COL4A1: variants seen among roughly 807,000 people sequenced by gnomAD.
The protein encoded by COL4A1 is collagen type IV alpha 1 chain.
A neutral mutation model predicts 216.6 loss-of-function variants in COL4A1; 40 were observed. The observed-to-expected ratio is 0.18, with a 90% CI of 0.14 to 0.24. The LOEUF (loss-of-function observed/expected upper bound fraction) is 0.24. COL4A1 is among the 10% of genes least tolerant of loss of function. The probability of loss-of-function intolerance (pLI) is 1.00; values close to 1 mark genes in which losing one functional copy is unlikely to be tolerated. For synonymous variants in COL4A1, 839 were observed against 810.7 expected (o/e 1.03, Z -0.59); for missense variants, 1,628 against 2,196.8 (o/e 0.74, Z 5.18).
chr13:110,274,892 A>G (rs544282354), intron 1 of COL4A1, among the ~76,000 whole-genome samples: 4 of 152,174 alleles, frequency 2.6e-5, no homozygotes, highest in Non-Finnish European at 5.9e-5. Context: ...GCACTGAGGG[A>G]CTTTCTACTT....
At chr13:110,254,278 T>C (rs1882415828) in intron 1 of COL4A1, among the ~76,000 whole-genome samples, 1 of 152,186 alleles carries the variant, frequency 6.6e-6, no homozygotes, top group Admixed American at 6.5e-5. Flanking sequence ...ATGGTCTAGC[T>C]TAATGCCATG....
intron 37 of COL4A1, 32 bp from the exon 38 acceptor site, chr13:110,174,781 C>G: frequency 1.9e-6 from 3 of 1,605,756 alleles, no homozygotes; most frequent in Non-Finnish European, 2.6e-6. Context: ...ATTAACTTTA[C>G]ATTTGTCCAT....
chr13:110,237,224 T>A (rs1881356131), intron 2 of COL4A1, among the ~76,000 whole-genome samples: 1 of 152,212 alleles, frequency 6.6e-6, no homozygotes, highest in Admixed American at 6.5e-5. Flanking sequence ...CTGAGCCGTG[T>A]CTTCAGCTGG....
chr13:110,198,688 A>G, intron 20 of COL4A1, 57 bp from the exon 21 acceptor site: 4 of 1,604,666 alleles, frequency 2.5e-6, no homozygotes, highest in South Asian at 2.2e-5. Flanking sequence ...CAACTACAGC[A>G]TAAACTCATT....
chr13:110,274,962 C>A (rs1388130306), intron 1 of COL4A1, among the ~76,000 whole-genome samples: 1 of 152,210 alleles, frequency 6.6e-6, no homozygotes, highest in African/African-American at 2.4e-5. Context: ...TCCAAAAATC[C>A]TTGCTCGCAG....
chr13:110,159,141 G>T (rs1214321605), intron 49 of COL4A1, among the ~76,000 whole-genome samples: 1 of 152,132 alleles, frequency 6.6e-6, no homozygotes, highest in African/African-American at 2.4e-5. Context: ...TTCCTATCAG[G>T]GAGGCTCCTG....
intron 1 of COL4A1, among the ~76,000 whole-genome samples, chr13:110,294,290 T>C (rs79087416): frequency 0.027 from 4,157 of 152,310 alleles, 98 homozygotes; most frequent in South Asian, 0.07. Flanking sequence ...CCGGCTGACA[T>C]GGCCAAAGAG....
intron 1 of COL4A1, among the ~76,000 whole-genome samples, chr13:110,257,489 T>C (rs1882630575): frequency 6.6e-6 from 1 of 152,206 alleles, no homozygotes; most frequent in Admixed American, 6.5e-5. Context: ...AGTACATTTG[T>C]GGTTAAAGAA....
At chr13:110,161,060 C>T (rs1877060359) in intron 49 of COL4A1, 132 bp downstream of exon 49, 2 of 1,002,738 alleles carry the variant, frequency 2.0e-6, no homozygotes, top group Non-Finnish European at 3.0e-6. Context: ...TTACAAAACT[C>T]GAATATCACA....
chr13:110,160,237 T>TC (rs1195688568), intron 49 of COL4A1, among the ~76,000 whole-genome samples: 1 of 119,222 alleles, frequency 8.4e-6, no homozygotes, highest in Non-Finnish European at 1.7e-5. Context: ...GGTCAGGAGA[T>TC]CGAGACCATC....
At chr13:110,167,345 G>T in intron 43 of COL4A1, 115 bp from the exon 44 acceptor site, 1 of 817,218 alleles carries the variant, frequency 1.2e-6, no homozygotes, top group Non-Finnish European at 2.2e-6. Context: ...AAGCACATTT[G>T]TGAACAAATG....
chr13:110,215,915 G>A (rs79767343), intron 2 of COL4A1, among the ~76,000 whole-genome samples: 12,696 of 152,260 alleles, frequency 0.083, 527 homozygotes, highest in African/African-American at 0.1. Flanking sequence ...CAGGAAGGAC[G>A]TTATGAACCT....
At chr13:110,224,315 T>G (rs1366613798) in intron 2 of COL4A1, among the ~76,000 whole-genome samples, 1 of 152,202 alleles carries the variant, frequency 6.6e-6, no homozygotes, top group Non-Finnish European at 1.5e-5. Flanking sequence ...TCTGAGTTTG[T>G]ATAAGAAAAA....
intron 1 of COL4A1, among the ~76,000 whole-genome samples, chr13:110,299,056 C>A (rs1884390750): frequency 6.6e-6 from 1 of 152,216 alleles, no homozygotes; most frequent in Admixed American, 6.5e-5. Flanking sequence ...CCAAACTGCA[C>A]CACACAGCTG....
chr13:110,155,485 T>G, intron 49 of COL4A1, 88 bp from the exon 50 acceptor site: 1 of 813,548 alleles, frequency 1.2e-6, no homozygotes, highest in Non-Finnish European at 2.1e-6. Flanking sequence ...ACACTCAACA[T>G]CCTCACTCAG....
Position 110,198,602 on chromosome 13 carries a change from G to A in COL4A1, c.1150C>T (p.Pro384Ser), listed in dbSNP as rs1879017574. The A allele has an allele frequency of 6.2e-7, 1 of 1,613,988 alleles. No homozygotes were observed. The highest frequency in any genetic ancestry group is 8.5e-7 in the Non-Finnish European group (1 of 1,179,994). The change falls in exon 21 of 52, where the codon CCT (proline) becomes TCT (serine). Residue 384 changes from proline (P) to serine (S), a missense_variant. Physicochemically the swap from Pro to Ser is moderately conservative, Grantham distance 74. This residue lies in a region of COL4A1 where 701 missense variants were observed against 892.5 expected (regional missense o/e 0.79). Transcript: ENST00000375820. ...GLPVPGQAGA[P>S]GFPGERGEKG... ...TCTCCTCTTTCACCAGGGAAGCCAG[G>A]GGCACCAGCCTGCCCAGGTACAGGG...
intron 1 of COL4A1, among the ~76,000 whole-genome samples, chr13:110,292,765 A>C (rs958521): frequency 0.92 from 139,353 of 152,120 alleles, 64,340 homozygotes; most frequent in East Asian, 0.98. Flanking sequence ...CTCCCTCAAC[A>C]TGTAGGGAGG....
chr13:110,209,686 C>A, intron 10 of COL4A1: 1 of 652,922 alleles, frequency 1.5e-6, no homozygotes, highest in Non-Finnish European at 2.7e-6. Context: ...TTTGAACTCA[C>A]TCCCACAGGC....
chr13:110,172,976 T>C (rs1008317294), intron 40 of COL4A1, among the ~76,000 whole-genome samples: 3 of 152,226 alleles, frequency 2.0e-5, no homozygotes, highest in African/African-American at 7.2e-5. Flanking sequence ...TACTTTTTCC[T>C]AAGTACCTTT....
Sources: gnomAD v4.1 joint callset for allele counts (sites outside exome capture counted in the v4.1 genomes callset) on GRCh38, gnomAD v4.1.1 for gene constraint, gnomAD v4.1.1 regional missense constraint, MANE v1.5 for transcripts, NCBI Gene and HGNC (gene_info 2026-07-23, HGNC 2026-07-21) for gene names.